CPXM2: variants seen among roughly 807,000 people sequenced by gnomAD.
CPXM2 encodes carboxypeptidase X, M14 family member 2.
CPXM2 carries 66 observed loss-of-function variants against 86.1 expected under a neutral mutation model. That is an observed-to-expected ratio of 0.77 (90% confidence interval 0.63 to 0.94). The LOEUF is 0.94. Ranked by LOEUF, CPXM2 falls within the 40% of genes least tolerant of loss-of-function variation. The pLI, the probability that CPXM2 is intolerant of heterozygous loss-of-function variation, is 0.00. For missense variants in CPXM2, 948 were observed against 1,026.3 expected, an observed-to-expected ratio of 0.92 and a Z score of 1.04; for synonymous variants, 388 against 400.2, an observed-to-expected ratio of 0.97 and a Z score of 0.36.
chr10:123,888,899 A>G (rs1455683483), intron 1 of CPXM2, among the ~76,000 whole-genome samples: 1 of 152,142 alleles, frequency 6.6e-6, no homozygotes, highest in Non-Finnish European at 1.5e-5. Flanking sequence ...TGTTTTCAGT[A>G]TGGGGCTTGG....
intron 6 of CPXM2, among the ~76,000 whole-genome samples, chr10:123,784,731 C>A (rs1340854902): frequency 6.6e-6 from 1 of 152,202 alleles, no homozygotes; most frequent in Non-Finnish European, 1.5e-5. Context: ...CTATTTTCAG[C>A]CCTGATTGCT....
At chr10:123,773,957 G>A (rs912114617) in intron 7 of CPXM2, among the ~76,000 whole-genome samples, 10 of 152,158 alleles carry the variant, frequency 6.6e-5, no homozygotes, top group Admixed American at 1.3e-4. Context: ...GCCTTGCCTC[G>A]CGTCACTGAA....
chr10:123,929,324 C>T (rs367999019), intron 2 of CPXM2, among the ~76,000 whole-genome samples: 30 of 152,318 alleles, frequency 2.0e-4, no homozygotes, highest in African/African-American at 7.0e-4. Context: ...GCACTGGTGC[C>T]TTGGCAATCC....
At chr10:123,785,457 T>C (rs1436455230) in intron 6 of CPXM2, among the ~76,000 whole-genome samples, 2 of 152,146 alleles carry the variant, frequency 1.3e-5, no homozygotes, top group African/African-American at 2.4e-5. Flanking sequence ...AACCAACTTG[T>C]CCCAGATTTT....
chr10:123,932,231 G>A (rs542070460), intron 2 of CPXM2, among the ~76,000 whole-genome samples: 23 of 152,288 alleles, frequency 1.5e-4, no homozygotes, highest in African/African-American at 5.3e-4. Context: ...CATCTTCTGT[G>A]TGTATAGGGT....
chr10:123,863,890 C>T lies in CPXM2; in HGVS notation c.404-1167G>A, dbSNP rs908228265. On this transcript the variant is annotated intron_variant, in intron 2 of 13. Transcript: ENST00000241305. ...TGGGCCCCTGCTGTCGGATGCCATT[C>T]GCCTCTTGGAGCTCACAGTCCCCAG... 7.9e-5 allele frequency among the ~76,000 whole-genome samples: 12 copies of T among 152,296 alleles called. 1 individual carries two copies. The South Asian group carries it at 1.0e-3, about 13-fold the overall frequency.
In CPXM2 at chr10:123,793,457, C is replaced by A. The variant is rs1181419880; in HGVS notation, c.889+4519G>T. Among the ~76,000 whole-genome samples, 3 of 117,848 alleles carry A rather than the reference C, an allele frequency of 2.5e-5. 1 individual carries two copies. The highest frequency in any genetic ancestry group is 1.2e-4 in the African/African-American group (3 of 25,744). The allele number at this position is 117,848 out of a possible 152,430, so 77.3% of individuals were successfully genotyped here. A position where few individuals can be genotyped will look rare whatever the true frequency, so the allele number is the denominator to read the frequency against. ...CAGCCTGGGCGACAGAGCGAGACTC[C>A]GTCTCAAAAAAAAAAAAAAAAAAAA... On this transcript the variant is annotated intron_variant, in intron 6 of 13. Transcript: ENST00000241305.
chr10:123,750,663 CA>C, intron 13 of CPXM2: 1 of 975,026 alleles, frequency 1.0e-6, no homozygotes, highest in South Asian at 4.7e-5. Context: ...TTGCTCACCG[CA>C]GTATTTCTAG....
intron 1 of CPXM2, among the ~76,000 whole-genome samples, chr10:123,880,734 C>G (rs1945071135): frequency 7.3e-6 from 1 of 137,486 alleles, no homozygotes; most frequent in Non-Finnish European, 1.5e-5. Flanking sequence ...GAGGCTGAGG[C>G]AGAAGAATGG....
intron 6 of CPXM2, among the ~76,000 whole-genome samples, chr10:123,782,824 T>C (rs971738024): frequency 6.6e-6 from 1 of 152,158 alleles, no homozygotes; most frequent in Non-Finnish European, 1.5e-5. Flanking sequence ...CCCAGTAAGT[T>C]AGGCATTCTA....
rs1163113077 is a variant in CPXM2 at position 123,842,437 on chromosome 10, T to C, written c.565A>G (p.Asn189Asp). The C allele has an allele frequency of 5.6e-6, 9 of 1,614,192 alleles. No homozygotes were observed. Among genetic ancestry groups the C allele is most frequent in the Non-Finnish European group, 7.6e-6 (9 of 1,180,008 alleles). Reference sequence around the variant, plus strand: ...ACTTCAATCCACTGCTGGAGGTCATTTCTTCCCGCGCACCACGCTCCGTCA... The same window carrying C: ...ACTTCAATCCACTGCTGGAGGTCATCTCTTCCCGCGCACCACGCTCCGTCA... ...FYDGAWCAGR[N>D]DLQQWIEVDA... Residue 189 changes from asparagine (N) to aspartate (D), a missense_variant, in exon 4 of 14, where the codon AAT (asparagine) becomes GAT (aspartate). Physicochemically the swap from Asn to Asp is conservative, Grantham distance 23. Coordinates refer to ENST00000241305, the MANE Select transcript of CPXM2 (RefSeq NM_198148.3).
upstream of CPXM2, among the ~76,000 whole-genome samples, chr10:123,944,054 G>T (rs1311645244): frequency 6.6e-6 from 1 of 152,198 alleles, no homozygotes; most frequent in Non-Finnish European, 1.5e-5. Flanking sequence ...TGTCCTACAA[G>T]GTTAAAGTGT....
chr10:123,805,102 C>T (rs563588712), intron 4 of CPXM2, among the ~76,000 whole-genome samples: 5 of 152,170 alleles, frequency 3.3e-5, no homozygotes, highest in African/African-American at 1.2e-4. Flanking sequence ...TCTAAGAAAA[C>T]ATCAAGATGT....
chr10:123,893,775 C>T (rs565439184), upstream of CPXM2, among the ~76,000 whole-genome samples: 31 of 152,282 alleles, frequency 2.0e-4, no homozygotes, highest in African/African-American at 6.7e-4. Context: ...AAACAGAAAG[C>T]GGCTCCAGCA....
Position 123,768,611 on chromosome 10 carries a change from G to C in CPXM2, c.1214C>G (p.Ala405Gly). The change falls in exon 9 of 14, where the codon GCG (alanine) becomes GGG (glycine). Residue 405 changes from alanine (A) to glycine (G), a missense_variant. Physicochemically the swap from Ala to Gly is moderately conservative, Grantham distance 60 (BLOSUM62 0). Coordinates refer to ENST00000241305, the MANE Select transcript of CPXM2 (RefSeq NM_198148.3). The stretch of plus-strand genomic sequence containing the variant: ...CTCCTCCACCAGGTGGACGATGCGC[G>C]CATTCCGGGCCAAGTACTCCTGACA... Reference protein sequence around the residue: ...FVCQEYLARNARIVHLVEETR... With the variant: ...FVCQEYLARNGRIVHLVEETR... 6.2e-7 allele frequency: 1 copy of C among 1,613,918 alleles called. No individual in the cohort carries two copies. Among genetic ancestry groups the C allele is most frequent in the Non-Finnish European group, 8.5e-7 (1 of 1,179,948 alleles).
At chr10:123,900,677 T>C (rs1266609499) in intron 2 of CPXM2, among the ~76,000 whole-genome samples, 1 of 152,228 alleles carries the variant, frequency 6.6e-6, no homozygotes, top group Non-Finnish European at 1.5e-5. Context: ...CCCAAACATG[T>C]GTCTGTCATA....
upstream of CPXM2, among the ~76,000 whole-genome samples, chr10:123,893,713 CTG>C (rs1175513460): frequency 3.3e-5 from 5 of 151,776 alleles, no homozygotes; most frequent in Admixed American, 6.6e-5. Context: ...CTCCTGGGGA[CTG>C]TTTTATCTGA....
chr10:123,915,553 CA>C (rs553770766), intron 2 of CPXM2, among the ~76,000 whole-genome samples: 1 of 129,246 alleles, frequency 7.7e-6, no homozygotes, highest in South Asian at 2.4e-4. Flanking sequence ...GCGAGATTGT[CA>C]AAAAAAATAA....
intron 4 of CPXM2, among the ~76,000 whole-genome samples, chr10:123,801,627 GATC>G (rs1268060343): frequency 6.6e-6 from 1 of 152,054 alleles, no homozygotes; most frequent in African/African-American, 2.4e-5. Flanking sequence ...AATGAAATAT[GATC>G]ATGTCATCCC....
Sources: gnomAD v4.1 joint callset for allele counts (sites outside exome capture counted in the v4.1 genomes callset) on GRCh38, gnomAD v4.1.1 for gene constraint, MANE v1.5 for transcripts, NCBI Gene and HGNC (gene_info 2026-07-23, HGNC 2026-07-21) for gene names.